The following PKIG variants were observed in gnomAD, a reference collection of about 807,000 sequenced individuals.
PKIG encodes cAMP-dependent protein kinase inhibitor gamma, also known as protein kinase (cAMP-dependent, catalytic) inhibitor gamma.
A neutral mutation model predicts 6.8 loss-of-function variants in PKIG; 1 was observed. That is an observed-to-expected ratio of 0.15 (90% CI 0.05 to 0.69). The LOEUF is 0.69. Ranked by LOEUF, PKIG falls within the 30% of genes least tolerant of loss-of-function variation. The pLI is 0.82. For synonymous variants in PKIG, 39 were observed against 43.0 expected (o/e 0.91, Z 0.36); for missense variants, 77 against 104.0 (o/e 0.74, Z 1.13).
At chr20:44,608,006 T>G (rs183466911) in intron 2 of PKIG, among the ~76,000 whole-genome samples, 116 of 152,128 alleles carry the variant, frequency 7.6e-4, no homozygotes, top group African/African-American at 2.7e-3. Context: ...AAAATTTTGT[T>G]TTAAATAAAG....
At chr20:44,617,048 C>T (rs950683903) in intron 3 of PKIG, among the ~76,000 whole-genome samples, 1 of 152,198 alleles carries the variant, frequency 6.6e-6, no homozygotes, top group Admixed American at 6.5e-5. Flanking sequence ...ACCCTTGATC[C>T]AGGCAAATCA....
intron 1 of PKIG, among the ~76,000 whole-genome samples, chr20:44,560,085 GAAAGAAA>G (rs1216472794): frequency 5.3e-5 from 8 of 151,346 alleles, no homozygotes; most frequent in Non-Finnish European, 1.2e-4. Flanking sequence ...AAGAAAGAAG[GAAAGAAA>G]AAAGAAAATT....
At chr20:44,592,100 T>G (rs768726620) in intron 2 of PKIG, among the ~76,000 whole-genome samples, 18 of 152,220 alleles carry the variant, frequency 1.2e-4, no homozygotes, top group Non-Finnish European at 2.2e-4. Flanking sequence ...GTGCCAGATG[T>G]GATAAGCACT....
chr20:44,597,706 G>A (rs747360120), intron 2 of PKIG, among the ~76,000 whole-genome samples: 7 of 152,070 alleles, frequency 4.6e-5, no homozygotes, highest in African/African-American at 9.7e-5. Flanking sequence ...GGTCCTCCCC[G>A]GGCCTCCTGC....
chr20:44,597,036 C>T (rs1296165086), intron 2 of PKIG, among the ~76,000 whole-genome samples: 1 of 152,082 alleles, frequency 6.6e-6, no homozygotes, highest in East Asian at 1.9e-4. Context: ...CCCTCTGCCT[C>T]GCATACTTAG....
At chr20:44,535,313 A>G (rs1290321255) in intron 1 of PKIG, among the ~76,000 whole-genome samples, 1 of 152,134 alleles carries the variant, frequency 6.6e-6, no homozygotes, top group African/African-American at 2.4e-5. Context: ...CTATCATAAG[A>G]CATCATGAGA....
At chr20:44,613,738 C>T (rs913708927) in intron 2 of PKIG, among the ~76,000 whole-genome samples, 1 of 152,208 alleles carries the variant, frequency 6.6e-6, no homozygotes, top group Non-Finnish European at 1.5e-5. Flanking sequence ...ACAGGAGCCT[C>T]CTAACTTGCC....
At chr20:44,607,937 C>G (rs2065181611) in intron 2 of PKIG, among the ~76,000 whole-genome samples, 2 of 152,124 alleles carry the variant, frequency 1.3e-5, no homozygotes, top group Admixed American at 6.5e-5. Context: ...ACACCCACCC[C>G]CCGCCGCCTC....
intron 1 of PKIG, among the ~76,000 whole-genome samples, chr20:44,548,656 CT>C: frequency 2.0e-5 from 3 of 152,168 alleles, no homozygotes; most frequent in Admixed American, 2.0e-4. Flanking sequence ...CTTTATTTGT[CT>C]AGATTTTGCT....
intron 1 of PKIG, among the ~76,000 whole-genome samples, chr20:44,567,910 C>A (rs2064823509): frequency 6.6e-6 from 1 of 152,182 alleles, no homozygotes. Flanking sequence ...CTTTGGGAGG[C>A]TGAGGCTGGC....
At chr20:44,532,072 C>G (rs1394329323) in intron 1 of PKIG, 1 of 152,222 alleles carries the variant, frequency 6.6e-6, no homozygotes, top group Non-Finnish European at 1.5e-5. Flanking sequence ...GCCGGGGATC[C>G]CGGGGAGGGA....
intron 2 of PKIG, among the ~76,000 whole-genome samples, chr20:44,605,523 T>G (rs1189006077): frequency 2.6e-5 from 4 of 152,008 alleles, no homozygotes; most frequent in Non-Finnish European, 5.9e-5. Context: ...ACAAATGATT[T>G]GAGATAGGTA....
intron 2 of PKIG, among the ~76,000 whole-genome samples, chr20:44,600,331 TC>T (rs757671266): frequency 5.3e-5 from 8 of 152,206 alleles, no homozygotes; most frequent in Non-Finnish European, 1.0e-4. Flanking sequence ...TAGAAAAGCA[TC>T]AGAAGTTGAA....
intron 1 of PKIG, among the ~76,000 whole-genome samples, chr20:44,540,532 G>T (rs1318922260): frequency 3.3e-5 from 5 of 151,882 alleles, no homozygotes; most frequent in Non-Finnish European, 7.4e-5. Context: ...AACCTTCCAG[G>T]GGTTTTCACA....
intron 1 of PKIG, among the ~76,000 whole-genome samples, chr20:44,534,042 G>T (rs2064491263): frequency 6.6e-6 from 1 of 152,188 alleles, no homozygotes; most frequent in South Asian, 2.1e-4. Context: ...TGGGATGTGA[G>T]AAAGACAAAG....
At chr20:44,597,719 C>A (rs768568523) in intron 2 of PKIG, among the ~76,000 whole-genome samples, 1 of 152,100 alleles carries the variant, frequency 6.6e-6, no homozygotes, top group African/African-American at 2.4e-5. Context: ...CCTCCTGCTG[C>A]GGATGTATGA....
chr20:44,573,419 A>G (rs778351588), intron 1 of PKIG, among the ~76,000 whole-genome samples: 8 of 152,272 alleles, frequency 5.3e-5, no homozygotes, highest in Non-Finnish European at 8.8e-5. Flanking sequence ...AAGGAGTACT[A>G]GATTAAGGAT....
At chr20:44,582,063 C>A (rs753952207), upstream of PKIG, among the ~76,000 whole-genome samples, 2 of 152,110 alleles carry the variant, frequency 1.3e-5, no homozygotes, top group Admixed American at 6.6e-5. Flanking sequence ...CCAAGCCTTC[C>A]CCGGGGGCAC....
chr20:44,572,464 G>A (rs2064862004), intron 1 of PKIG, among the ~76,000 whole-genome samples: 2 of 152,102 alleles, frequency 1.3e-5, no homozygotes, highest in Admixed American at 1.3e-4. Context: ...TGGATTAAAA[G>A]TCACTTGCTC....
Sources: allele counts gnomAD v4.1 joint callset (sites outside exome capture counted in the v4.1 genomes callset), GRCh38; gene constraint gnomAD v4.1.1; transcripts MANE v1.5; gene names NCBI Gene and HGNC (gene_info 2026-07-23, HGNC 2026-07-21).